HRK: variants seen among roughly 807,000 people sequenced by gnomAD.
HRK encodes the protein activator of apoptosis harakiri.
In HRK, 6 loss-of-function variants were observed where a neutral mutation model predicts 5.9. That is an observed-to-expected ratio of 1.02 (90% CI 0.56 to 2.01). The LOEUF (loss-of-function observed/expected upper bound fraction) is 2.01, where lower values mean the gene tolerates loss of function less well. Among genes scored for constraint, HRK ranks in the 30% most tolerant of loss-of-function variants. The probability of loss-of-function intolerance (pLI) is 0.00; values close to 1 mark genes in which losing one functional copy is unlikely to be tolerated. For synonymous variants in HRK, 85 were observed against 65.1 expected, an observed-to-expected ratio of 1.31 and a Z score of -1.47; for missense variants, 133 against 128.3, an observed-to-expected ratio of 1.04 and a Z score of -0.18.
At position 116,881,111 on chromosome 12, in the gene HRK, G is replaced by C. The variant is rs1879131918; in HGVS notation, c.197C>G (p.Pro66Arg). ...SRRAPAPGAL[P>R]TYWPWLCAAA... The stretch of plus-strand genomic sequence containing the variant: ...CGCGCACAGCCAAGGCCAGTAGGTG[G>C]GGAGCGCGCCGGGCGCCGGCGCCCT... The change falls in exon 1 of 2, where the codon CCC becomes CGC. Residue 66 changes from proline to arginine, a missense_variant. Pro to Arg is a moderately radical substitution (Grantham distance 103). Coordinates refer to ENST00000257572, the MANE Select transcript of HRK (RefSeq NM_003806.4). The C allele has an allele frequency of 8.1e-7, 1 of 1,237,500 alleles. No individual in the cohort carries two copies. 76.7% of individuals were successfully genotyped at this position (1,237,500 alleles called of 1,614,324 possible).
intron 1 of HRK, among the ~76,000 whole-genome samples, chr12:116,871,368 T>A (rs890821588): frequency 1.3e-5 from 2 of 151,376 alleles, no homozygotes; most frequent in African/African-American, 2.4e-5. Context: ...AGTGGCACGA[T>A]CTCGGCTCAC....
chr12:116,864,459 G>C (rs1878468148), intron 1 of HRK, among the ~76,000 whole-genome samples: 1 of 152,164 alleles, frequency 6.6e-6, no homozygotes, highest in Admixed American at 6.5e-5. Flanking sequence ...CAATAGCCTA[G>C]AAGTCAGAAT....
Position 116,862,098 on chromosome 12 carries a change from C to T in HRK, c.*57-632G>A, listed in dbSNP as rs1232862218. On this transcript the variant is annotated intron_variant, in intron 1 of 1. Transcript: ENST00000257572. This position sits in a 1 kb window ranked among gnomAD's most constrained non-coding sequence, Gnocchi z 4.0. ...GTGGTCTATAGGAGCCCAGGGGAGG[C>T]AGCTCATAAGGGAGACAAAGCAGAC... Among the ~76,000 whole-genome samples, 1 of 152,154 alleles carries T rather than the reference C, an allele frequency of 6.6e-6. No individual in the cohort carries two copies. Among genetic ancestry groups the T allele is most frequent in the Non-Finnish European group, 1.5e-5 (1 of 68,030 alleles).
At chr12:116,864,836 T>C (rs760242115) in intron 1 of HRK, among the ~76,000 whole-genome samples, 28 of 152,178 alleles carry the variant, frequency 1.8e-4, no homozygotes, top group Non-Finnish European at 3.1e-4. Flanking sequence ...AATCGTGCAA[T>C]TTAAAACTAT....
In HRK at chr12:116,856,970, C is replaced by T. The variant is rs1878175273; in HGVS notation, c.*4553G>A. ...GTGGCGAGCACGCCATAAAAGGTAG[C>T]TTTGATTATTGTGTAAAGCAGCAAG... On this transcript the variant is annotated 3_prime_UTR_variant, in exon 2 of 2. Coordinates refer to ENST00000257572, the MANE Select transcript of HRK (RefSeq NM_003806.4). This position sits in a 1 kb window ranked among gnomAD's most constrained non-coding sequence, Gnocchi z 4.4. 1 of 152,220 alleles carries T rather than the reference C, an allele frequency of 6.6e-6. No individual in the cohort carries two copies. Among genetic ancestry groups the T allele is most frequent in the African/African-American group, 2.4e-5 (1 of 41,454 alleles). The allele number at this position is 152,220 out of a possible 1,614,324, so 9.4% of individuals were successfully genotyped here.
chr12:116,860,176 T>C lies in HRK; in HGVS notation c.*1347A>G, dbSNP rs1178819001. On this transcript the variant is annotated 3_prime_UTR_variant, in exon 2 of 2. Coordinates refer to ENST00000257572, the MANE Select transcript of HRK (RefSeq NM_003806.4). ...TGTGGTATCCTGCACAGAGGAAGAA[T>C]ACCTGCTTATGTTGGATTTTTCGAA... 1 of 152,208 alleles carries C rather than the reference T, an allele frequency of 6.6e-6. No homozygotes were observed. The highest frequency in any genetic ancestry group is 1.9e-4 in the East Asian group (1 of 5,200). 9.4% of individuals were successfully genotyped at this position (152,208 alleles called of 1,614,324 possible).
chr12:116,880,452 G>A (rs1879103654), intron 1 of HRK, among the ~76,000 whole-genome samples: 1 of 152,172 alleles, frequency 6.6e-6, no homozygotes, highest in Non-Finnish European at 1.5e-5. Flanking sequence ...GATGCGCTTG[G>A]GGTGCCAGAT....
intron 1 of HRK, among the ~76,000 whole-genome samples, chr12:116,880,506 G>A (rs1365501730): frequency 6.6e-6 from 1 of 152,210 alleles, no homozygotes; most frequent in East Asian, 1.9e-4. Flanking sequence ...GGGACAAGAG[G>A]TTGGGAGCAA....
chr12:116,874,761 T>G (rs1157138969), intron 1 of HRK, among the ~76,000 whole-genome samples: 1 of 152,202 alleles, frequency 6.6e-6, no homozygotes, highest in Non-Finnish European at 1.5e-5. Context: ...CCGGCTGCCA[T>G]GCTGTGAGGA....
At chr12:116,865,875 A>G (rs944311600) in intron 1 of HRK, among the ~76,000 whole-genome samples, 7 of 152,030 alleles carry the variant, frequency 4.6e-5, no homozygotes, top group African/African-American at 1.7e-4. Flanking sequence ...TAAAGATGAC[A>G]GGCTGGGTGT....
In HRK at chr12:116,859,989, T is replaced by C. The variant is rs897945650; in HGVS notation, c.*1534A>G. The C allele has an allele frequency of 2.0e-5, 3 of 152,220 alleles. No individual in the cohort carries two copies. The highest frequency in any genetic ancestry group is 7.2e-5 in the African/African-American group (3 of 41,448). 9.4% of individuals were successfully genotyped at this position (152,220 alleles called of 1,614,324 possible). On this transcript the variant is annotated 3_prime_UTR_variant, in exon 2 of 2. Coordinates refer to ENST00000257572, the MANE Select transcript of HRK (RefSeq NM_003806.4). ...CAGCCGCATCCACCTTAAACATGGA[T>C]CCCACTGCTGGCGTCTTAGAACTGG...
At chr12:116,877,727 A>G (rs1344227666) in intron 1 of HRK, among the ~76,000 whole-genome samples, 1 of 152,226 alleles carries the variant, frequency 6.6e-6, no homozygotes, top group Non-Finnish European at 1.5e-5. Flanking sequence ...CCTATGCACT[A>G]AGTCTGGCTG....
chr12:116,856,523 T>C lies in HRK; in HGVS notation c.*5000A>G, dbSNP rs1448257725. 6.6e-6 allele frequency: 1 copy of C among 152,216 alleles called. No homozygotes were observed. The highest frequency in any genetic ancestry group is 1.5e-5 in the Non-Finnish European group (1 of 68,044). The allele number at this position is 152,216 out of a possible 1,614,324, so 9.4% of individuals were successfully genotyped here. On this transcript the variant is annotated 3_prime_UTR_variant, in exon 2 of 2. Transcript: ENST00000257572. This position sits in a 1 kb window ranked among gnomAD's most constrained non-coding sequence, Gnocchi z 4.4. Reference sequence around the variant, plus strand: ...TCCTTGCACCTTCCCCGGGGCCTTATAGAAACCAGGAACACAGGGTTAGGG... The same window carrying C: ...TCCTTGCACCTTCCCCGGGGCCTTACAGAAACCAGGAACACAGGGTTAGGG...
At chr12:116,863,334 C>T (rs1878430910) in intron 1 of HRK, among the ~76,000 whole-genome samples, 2 of 152,214 alleles carry the variant, frequency 1.3e-5, no homozygotes, top group Non-Finnish European at 2.9e-5. Context: ...TCCCCTCCCA[C>T]TGGTCAGAGG....
rs117718112 is a variant in HRK, at chr12:116,874,752, C to T, written c.*56+6224G>A. Reference sequence around the variant, plus strand: ...AGCTCTCAGTCACTGTGTCAGAATCCGGCTGCCATGCTGTGAGGAAGCCCA... The same window carrying T: ...AGCTCTCAGTCACTGTGTCAGAATCTGGCTGCCATGCTGTGAGGAAGCCCA... On this transcript the variant is annotated intron_variant, in intron 1 of 1. Transcript: ENST00000257572. Among the ~76,000 whole-genome samples, 580 of 152,268 alleles carry T rather than the reference C, an allele frequency of 3.8e-3. 3 individuals are homozygous for T. Among genetic ancestry groups the T allele is most frequent in the Non-Finnish European group, 6.5e-3 (441 of 68,020 alleles).
intron 1 of HRK, among the ~76,000 whole-genome samples, chr12:116,870,151 TC>T (rs1878696798): frequency 6.6e-6 from 1 of 151,924 alleles, no homozygotes; most frequent in Non-Finnish European, 1.5e-5. Flanking sequence ...CTCAGACACA[TC>T]CCCACTCCTG....
At chr12:116,872,365 A>C (rs1164480305) in intron 1 of HRK, among the ~76,000 whole-genome samples, 1 of 152,190 alleles carries the variant, frequency 6.6e-6, no homozygotes, top group African/African-American at 2.4e-5. Flanking sequence ...ACTTCATCTC[A>C]AAACAAACAA....
intron 1 of HRK, among the ~76,000 whole-genome samples, chr12:116,873,225 T>C (rs1201450194): frequency 6.6e-6 from 1 of 152,186 alleles, no homozygotes; most frequent in Non-Finnish European, 1.5e-5. Flanking sequence ...AGCCACAAAG[T>C]CCTGGCTCAA....
At chr12:116,880,253 G>T (rs2137256847) in intron 1 of HRK, among the ~76,000 whole-genome samples, 2 of 152,296 alleles carry the variant, frequency 1.3e-5, no homozygotes, top group East Asian at 3.9e-4. Context: ...CCCTATTCCA[G>T]CCCACTCCGA....
Sources: gnomAD v4.1 joint callset for allele counts (sites outside exome capture counted in the v4.1 genomes callset) on GRCh38, gnomAD v4.1.1 for gene constraint, Gnocchi (gnomAD v3.1) non-coding constraint, MANE v1.5 for transcripts, NCBI Gene and HGNC (gene_info 2026-07-23, HGNC 2026-07-21) for gene names.